SATB2: variants seen among roughly 807,000 people sequenced by gnomAD.
The protein encoded by SATB2 is DNA-binding protein SATB2.
SATB2 carries 1 observed loss-of-function variant against 73.4 expected under a neutral mutation model. The ratio of observed to expected loss-of-function variants is 0.01; its 90% CI spans 0.00 to 0.06. The LOEUF is 0.06. Ranked by LOEUF, SATB2 falls within the 10% of genes least tolerant of loss-of-function variation. The probability of loss-of-function intolerance (pLI) is 1.00; values close to 1 mark genes in which losing one functional copy is unlikely to be tolerated. For missense variants in SATB2, 459 were observed against 945.8 expected, an observed-to-expected ratio of 0.49 and a Z score of 6.75; for synonymous variants, 397 against 367.0, an observed-to-expected ratio of 1.08 and a Z score of -0.93.
chr2:199,354,848 T>C (rs1688925031), intron 6 of SATB2, among the ~76,000 whole-genome samples: 1 of 152,130 alleles, frequency 6.6e-6, no homozygotes, highest in Non-Finnish European at 1.5e-5. Flanking sequence ...AGCCCTATAT[T>C]AGAATTTCAG....
rs1436504795 is a variant in SATB2 at position 199,308,674 on chromosome 2, G to A, written c.1740+86C>T. The A allele has an allele frequency of 6.2e-6, 7 of 1,123,462 alleles. No individual in the cohort carries two copies. In the East Asian group the frequency reaches 1.6e-4, roughly 26 times the overall value. 69.6% of individuals were successfully genotyped at this position (1,123,462 alleles called of 1,614,324 possible). A position where few individuals can be genotyped will look rare whatever the true frequency, so the allele number is the denominator to read the frequency against. On this transcript the variant is annotated intron_variant, in intron 10 of 10. Coordinates refer to ENST00000417098, the MANE Select transcript of SATB2 (RefSeq NM_001172509.2). This position sits in a 1 kb window ranked among gnomAD's most constrained non-coding sequence, Gnocchi z 4.6. ...GAGACACCCTCTGACAGAAGTTGGT[G>A]TGGTGTGTGCCACTTGGACCCTCAG...
At chr2:199,419,293 C>T (rs1483058411) in intron 3 of SATB2, among the ~76,000 whole-genome samples, 1 of 152,182 alleles carries the variant, frequency 6.6e-6, no homozygotes, top group Non-Finnish European at 1.5e-5. Flanking sequence ...GTCAGTTTTA[C>T]TATGAATATA....
chr2:199,337,599 T>C (rs994463646), intron 7 of SATB2, among the ~76,000 whole-genome samples: 4 of 152,178 alleles, frequency 2.6e-5, no homozygotes, highest in East Asian at 1.9e-4. Context: ...GACATACAGA[T>C]GTGTGTGCAC....
Position 199,271,963 on chromosome 2 carries a change from C to T in SATB2, c.*248G>A, listed in dbSNP as rs923645087. 2.0e-5 allele frequency: 11 copies of T among 544,260 alleles called. No individual in the cohort carries two copies. Among genetic ancestry groups the T allele is most frequent in the Middle Eastern group, 5.0e-4 (1 of 2,018 alleles). The allele number at this position is 544,260 out of a possible 1,614,324, so 33.7% of individuals were successfully genotyped here. A position where few individuals can be genotyped will look rare whatever the true frequency, so the allele number is the denominator to read the frequency against. ...GTCATAGAGACGGGATAAAGTGTAA[C>T]GCTTTAGTGTCTTTGCCAAGGCGAT... On this transcript the variant is annotated 3_prime_UTR_variant, in exon 11 of 11. Coordinates refer to ENST00000417098, the MANE Select transcript of SATB2 (RefSeq NM_001172509.2).
rs188200171 is a variant in SATB2 at position 199,272,562 on chromosome 2, A to T, written c.1851T>A (p.Ser617=). 6.2e-7 allele frequency: 1 copy of T among 1,614,144 alleles called. No individual in the cohort carries two copies. The highest frequency in any genetic ancestry group is 1.3e-5 in the African/African-American group (1 of 75,026). ...TEDSCAKKPR[S]RTKISLEALG... Reference sequence around the variant, plus strand: ...GGGCTTCTAAGGAGATCTTTGTGCGAGACCGGGGCTTTTTGGCACAACTGT... The same window carrying T: ...GGGCTTCTAAGGAGATCTTTGTGCGTGACCGGGGCTTTTTGGCACAACTGT... The change falls in exon 11 of 11, where the codon TCT becomes TCA. Residue 617 remains serine, a synonymous_variant. Coordinates refer to ENST00000417098, the MANE Select transcript of SATB2 (RefSeq NM_001172509.2). The surrounding 1 kb of genome is among the most constrained non-coding windows in gnomAD (Gnocchi z 6.7).
At chr2:199,406,938 A>G (rs1690647301) in intron 3 of SATB2, among the ~76,000 whole-genome samples, 1 of 152,230 alleles carries the variant, frequency 6.6e-6, no homozygotes, top group Non-Finnish European at 1.5e-5. Context: ...CATTGTGTAC[A>G]ATGTCACTTA....
intron 7 of SATB2, among the ~76,000 whole-genome samples, chr2:199,346,559 C>G (rs1395811167): frequency 6.6e-6 from 1 of 152,210 alleles, no homozygotes; most frequent in African/African-American, 2.4e-5. Flanking sequence ...AGATCCAACA[C>G]ACTTTCGAAT....
chr2:199,426,171 A>AACATTT, intron 3 of SATB2, among the ~76,000 whole-genome samples: 1 of 152,328 alleles, frequency 6.6e-6, no homozygotes, highest in East Asian at 1.9e-4. Flanking sequence ...AAACTGCTGA[A>AACATTT]AGTCTCCCAA....
rs546097528 is a variant in SATB2 at position 199,392,596 on chromosome 2, C to A, written c.347-10776G>T. ...AGTGGGTGTGTGTATGTCACATACCCACTTTTGTTTGAAGAGCAGCAGCCT... is the reference window on the plus strand; with the variant it reads ...AGTGGGTGTGTGTATGTCACATACCAACTTTTGTTTGAAGAGCAGCAGCCT... On this transcript the variant is annotated intron_variant, in intron 3 of 10. Coordinates refer to ENST00000417098, the MANE Select transcript of SATB2 (RefSeq NM_001172509.2). Among the ~76,000 whole-genome samples the A allele has an allele frequency of 9.9e-4, 151 of 152,166 alleles. 1 individual carries two copies. Among genetic ancestry groups the A allele is most frequent in the Non-Finnish European group, 1.7e-3 (116 of 68,000 alleles).
At chr2:199,381,585 G>T in intron 4 of SATB2, 109 bp downstream of exon 4, 2 of 1,447,340 alleles carry the variant, frequency 1.4e-6, no homozygotes, top group Non-Finnish European at 1.9e-6. Flanking sequence ...TTTTCATTTT[G>T]TCCAATGTCC....
At chr2:199,418,066 G>A (rs901321786) in intron 3 of SATB2, among the ~76,000 whole-genome samples, 4 of 152,110 alleles carry the variant, frequency 2.6e-5, no homozygotes, top group Non-Finnish European at 5.9e-5. Context: ...ACAACAACTG[G>A]AATCATAATA....
intron 2 of SATB2, among the ~76,000 whole-genome samples, chr2:199,447,403 G>A (rs1033318893): frequency 1.3e-5 from 2 of 152,160 alleles, no homozygotes; most frequent in Non-Finnish European, 2.9e-5. Context: ...GGTGTGTGCT[G>A]AGAAGAAATG....
At chr2:199,284,900 A>G (rs138809097) in intron 10 of SATB2, among the ~76,000 whole-genome samples, 2 of 152,248 alleles carry the variant, frequency 1.3e-5, no homozygotes, top group East Asian at 3.9e-4. Flanking sequence ...TGTATGAGGT[A>G]TCATAAGTAA....
chr2:199,375,227 A>T lies in SATB2; in HGVS notation c.597+5137T>A, dbSNP rs368280429. On this transcript the variant is annotated intron_variant, in intron 5 of 10. Coordinates refer to ENST00000417098, the MANE Select transcript of SATB2 (RefSeq NM_001172509.2). ...TTTCAAATTGGAACAGCTAAGGACT[A>T]TTTAATAAGGGAGGACGATGCCTAA... is the stretch of plus-strand genomic sequence containing the variant. Among the ~76,000 whole-genome samples the T allele has an allele frequency of 9.8e-5, 15 of 152,336 alleles. No individual in the cohort carries two copies. The East Asian group carries it at 2.5e-3, about 25-fold the overall frequency.
At chr2:199,279,543 T>A (rs2105719501) in intron 10 of SATB2, among the ~76,000 whole-genome samples, 1 of 152,176 alleles carries the variant, frequency 6.6e-6, no homozygotes, top group South Asian at 2.1e-4. Flanking sequence ...ATAGAGAAAA[T>A]GAGAAATTAT....
chr2:199,353,494 C>G (rs1688883605), intron 6 of SATB2, among the ~76,000 whole-genome samples: 1 of 152,032 alleles, frequency 6.6e-6, no homozygotes, highest in South Asian at 2.1e-4. Context: ...TTAGTTCTTG[C>G]TGCCACTCTC....
At chr2:199,438,973 C>G (rs1322869320) in intron 2 of SATB2, among the ~76,000 whole-genome samples, 1 of 152,224 alleles carries the variant, frequency 6.6e-6, no homozygotes, top group Non-Finnish European at 1.5e-5. Context: ...AAACAACACT[C>G]CAGAATCCAC....
intron 10 of SATB2, among the ~76,000 whole-genome samples, chr2:199,280,024 C>G (rs898189658): frequency 3.3e-5 from 5 of 152,128 alleles, no homozygotes; most frequent in African/African-American, 1.2e-4. Flanking sequence ...GCCTGTAATC[C>G]CAGCTACTTG....
intron 3 of SATB2, among the ~76,000 whole-genome samples, chr2:199,382,335 G>A (rs1574569408): frequency 6.6e-6 from 1 of 152,280 alleles, no homozygotes; most frequent in East Asian, 1.9e-4. Context: ...TCCCATATCT[G>A]CGTTTCAGCA....
Sources: gnomAD v4.1 joint callset for allele counts (sites outside exome capture counted in the v4.1 genomes callset) on GRCh38, gnomAD v4.1.1 for gene constraint, Gnocchi (gnomAD v3.1) non-coding constraint, MANE v1.5 for transcripts, NCBI Gene and HGNC (gene_info 2026-07-23, HGNC 2026-07-21) for gene names.